The following TNFAIP8 variants were observed in gnomAD, a reference collection of about 807,000 sequenced individuals.
TNFAIP8 encodes tumor necrosis factor alpha-induced protein 8.
Under a neutral mutation model 13.3 loss-of-function variants are expected in TNFAIP8, and 7 were observed. That is an observed-to-expected ratio of 0.52 (90% CI 0.30 to 0.99). TNFAIP8 has a LOEUF of 0.99. Ranked by LOEUF, TNFAIP8 falls within the 50% of genes least tolerant of loss-of-function variation. The probability of loss-of-function intolerance (pLI) is 0.07; values close to 1 mark genes in which losing one functional copy is unlikely to be tolerated. For synonymous variants in TNFAIP8, 94 were observed against 87.6 expected, an observed-to-expected ratio of 1.07 and a Z score of -0.41; for missense variants, 258 against 236.9, an observed-to-expected ratio of 1.09 and a Z score of -0.58.
chr5:119,295,044 A>C (rs1354733440), intron 1 of TNFAIP8, among the ~76,000 whole-genome samples: 1 of 151,872 alleles, frequency 6.6e-6, no homozygotes. Flanking sequence ...TCTTTACTTT[A>C]ATTAGATCCC....
In TNFAIP8 at chr5:119,396,622, T is replaced by C. The variant is rs1424514493; in HGVS notation, c.*3241T>C. 6.7e-6 allele frequency: 1 copy of C among 148,946 alleles called. No individual in the cohort carries two copies. The highest frequency in any genetic ancestry group is 1.5e-5 in the Non-Finnish European group (1 of 67,872). 9.2% of individuals were successfully genotyped at this position (148,946 alleles called of 1,614,324 possible). A position where few individuals can be genotyped will look rare whatever the true frequency, so the allele number is the denominator to read the frequency against. On this transcript the variant is annotated 3_prime_UTR_variant, in exon 2 of 2. Coordinates refer to ENST00000504771, the MANE Select transcript of TNFAIP8 (RefSeq NM_014350.4). ...ATTTTCCAGATTTGGAGGCTCAAAA[T>C]ATTTGAGCAAGTTAAGTTAAGAAAT...
chr5:119,327,520 G>T (rs192989437), intron 1 of TNFAIP8, among the ~76,000 whole-genome samples: 1 of 152,090 alleles, frequency 6.6e-6, no homozygotes, highest in African/African-American at 2.4e-5. Context: ...GTGCAGTGGC[G>T]CGATCTCTGC....
intron 1 of TNFAIP8, among the ~76,000 whole-genome samples, chr5:119,344,582 G>A (rs1750840693): frequency 6.6e-6 from 1 of 152,154 alleles, no homozygotes; most frequent in African/African-American, 2.4e-5. Flanking sequence ...TGGCAGGTAT[G>A]AATTAACATA....
At chr5:119,347,226 G>A (rs1581626175) in intron 1 of TNFAIP8, among the ~76,000 whole-genome samples, 1 of 152,208 alleles carries the variant, frequency 6.6e-6, no homozygotes, top group East Asian at 1.9e-4. Context: ...GGGAGAAGAG[G>A]GAACAGCAAA....
chr5:119,311,416 G>A (rs560383306), intron 1 of TNFAIP8, among the ~76,000 whole-genome samples: 3 of 152,058 alleles, frequency 2.0e-5, no homozygotes, highest in Non-Finnish European at 2.9e-5. Context: ...AATGGGCTGG[G>A]CGTGGTGGCT....
chr5:119,353,918 A>G (rs1751280694), upstream of TNFAIP8, among the ~76,000 whole-genome samples: 1 of 152,236 alleles, frequency 6.6e-6, no homozygotes. Context: ...ATTATAGATC[A>G]GTGGAAGCTC....
rs769952376 is a variant in TNFAIP8 at position 119,392,985 on chromosome 5, G to A, written c.201G>A (p.Glu67=). Residue 67 remains glutamate, a synonymous_variant, in exon 2 of 2, where the codon GAG becomes GAA. Transcript: ENST00000504771. ...GGGAGTACACCCAAAACAAGAAGGA[G>A]GCAGAGAAGATCATCAAGAACCTCA... ...VTREYTQNKK[E]AEKIIKNLIK... 6 of 1,612,748 alleles carry A rather than the reference G, an allele frequency of 3.7e-6. No individual in the cohort carries two copies. The highest frequency in any genetic ancestry group is 4.2e-6 in the Non-Finnish European group (5 of 1,179,346).
chr5:119,303,915 A>C (rs964723345), intron 1 of TNFAIP8, among the ~76,000 whole-genome samples: 13 of 152,158 alleles, frequency 8.5e-5, no homozygotes, highest in Non-Finnish European at 1.5e-4. Context: ...ATACCCGGTA[A>C]GTGAGTTCTA....
intron 1 of TNFAIP8, among the ~76,000 whole-genome samples, chr5:119,328,606 T>C (rs1314998480): frequency 1.3e-5 from 2 of 152,122 alleles, no homozygotes; most frequent in Non-Finnish European, 2.9e-5. Flanking sequence ...GAATCAGTGA[T>C]GACTGAGTGA....
intron 1 of TNFAIP8, among the ~76,000 whole-genome samples, chr5:119,365,032 A>T (rs181057319): frequency 6.6e-6 from 1 of 151,600 alleles, no homozygotes; most frequent in East Asian, 2.0e-4. Context: ...TTGTATTTTT[A>T]GTAAAGATGA....
chr5:119,381,125 G>A lies in TNFAIP8; in HGVS notation c.32-11691G>A, dbSNP rs533678144. ...CTGCAATCCTGGAGATTCTGATTCC[G>A]TTGGTTTAGCCATTTCTAAGAGGCC... On this transcript the variant is annotated intron_variant, in intron 1 of 1. Coordinates refer to ENST00000504771, the MANE Select transcript of TNFAIP8 (RefSeq NM_014350.4). 4.6e-4 allele frequency among the ~76,000 whole-genome samples: 70 copies of A among 152,296 alleles called. 1 individual carries two copies. The South Asian group carries it at 7.5e-3, about 16-fold the overall frequency.
intron 1 of TNFAIP8, among the ~76,000 whole-genome samples, chr5:119,377,493 G>A (rs752355666): frequency 6.6e-6 from 1 of 152,168 alleles, no homozygotes; most frequent in Non-Finnish European, 1.5e-5. Context: ...GCTCTTGACT[G>A]TGTAGAGCTC....
chr5:119,369,340 C>T (rs1487570447), intron 1 of TNFAIP8, among the ~76,000 whole-genome samples: 1 of 152,202 alleles, frequency 6.6e-6, no homozygotes, highest in Admixed American at 6.5e-5. Flanking sequence ...AGGCATGAGC[C>T]ACCGCACCTG....
chr5:119,396,124 C>T lies in TNFAIP8; in HGVS notation c.*2743C>T, dbSNP rs1389851533. Reference sequence around the variant, plus strand: ...CTGAGGTCACATGTGCTCGAGGTGTCCCAGCCGGAATATGTATAAAATCTT... The same window carrying T: ...CTGAGGTCACATGTGCTCGAGGTGTTCCAGCCGGAATATGTATAAAATCTT... On this transcript the variant is annotated 3_prime_UTR_variant, in exon 2 of 2. Transcript: ENST00000504771. The T allele has an allele frequency of 1.3e-5, 2 of 152,122 alleles. No homozygotes were observed. The highest frequency in any genetic ancestry group is 4.8e-5 in the African/African-American group (2 of 41,418). 9.4% of individuals were successfully genotyped at this position (152,122 alleles called of 1,614,324 possible).
At chr5:119,316,886 G>T (rs1749913742) in intron 1 of TNFAIP8, among the ~76,000 whole-genome samples, 1 of 152,132 alleles carries the variant, frequency 6.6e-6, no homozygotes, top group African/African-American at 2.4e-5. Flanking sequence ...TATCTAGTGG[G>T]TAGAAGACAG....
chr5:119,317,564 C>T (rs1411566013), intron 1 of TNFAIP8, among the ~76,000 whole-genome samples: 1 of 149,056 alleles, frequency 6.7e-6, no homozygotes. Context: ...TATTTATCAT[C>T]AAATATTTAC....
chr5:119,316,500 G>C (rs1040236110), intron 1 of TNFAIP8, among the ~76,000 whole-genome samples: 1 of 152,048 alleles, frequency 6.6e-6, no homozygotes, highest in African/African-American at 2.4e-5. Context: ...GTTGATTCTG[G>C]TACCAAGATA....
intron 1 of TNFAIP8, among the ~76,000 whole-genome samples, chr5:119,386,421 A>G (rs778017355): frequency 7.9e-5 from 12 of 152,224 alleles, no homozygotes; most frequent in Non-Finnish European, 1.2e-4. Context: ...GTTTTCTACA[A>G]TTTACAGAGT....
chr5:119,387,908 T>C (rs1752741130), intron 1 of TNFAIP8, among the ~76,000 whole-genome samples: 1 of 152,248 alleles, frequency 6.6e-6, no homozygotes, highest in Non-Finnish European at 1.5e-5. Context: ...TTATTCTTCA[T>C]TAATGAACAA....
Sources: allele counts gnomAD v4.1 joint callset (sites outside exome capture counted in the v4.1 genomes callset), GRCh38; gene constraint gnomAD v4.1.1; transcripts MANE v1.5; gene names NCBI Gene and HGNC (gene_info 2026-07-23, HGNC 2026-07-21).